Variants in SLC66A2 observed in about 807,000 individuals in gnomAD.
SLC66A2 encodes PQ loop repeat containing 1.
In SLC66A2, 23 loss-of-function variants were observed where a neutral mutation model predicts 25.5. The ratio of observed to expected loss-of-function variants is 0.90; its 90% CI spans 0.65 to 1.28. SLC66A2 has a LOEUF of 1.28. SLC66A2 is among the 50% of genes most tolerant of loss of function. SLC66A2 has a pLI of 0.00. For missense variants in SLC66A2, 396 were observed against 373.1 expected (o/e 1.06, Z -0.51); for synonymous variants, 193 against 166.5 (o/e 1.16, Z -1.23).
At chr18:79,933,773 T>C (rs376456660) in intron 4 of SLC66A2, among the ~76,000 whole-genome samples, 196 bp downstream of exon 4, 2 of 151,466 alleles carry the variant, frequency 1.3e-5, no homozygotes, top group African/African-American at 4.8e-5. Context: ...CAGAAGAGCA[T>C]GGACAGGCTT....
Position 79,903,842 on chromosome 18 carries a change from CTGA to C in SLC66A2, c.*131_*133del. 1 of 729,250 alleles carries C rather than the reference CTGA, an allele frequency of 1.4e-6. No homozygotes were observed. Among genetic ancestry groups the C allele is most frequent in the Non-Finnish European group, 2.2e-6 (1 of 453,848 alleles). 45.2% of individuals were successfully genotyped at this position (729,250 alleles called of 1,614,324 possible). A position where few individuals can be genotyped will look rare whatever the true frequency, so the allele number is the denominator to read the frequency against. ...CCCACCCTGAGACACCCCACAGAGG[CTGA>C]TGGAGACCCCAATGCCCATGCCCCA... On this transcript the variant is annotated 3_prime_UTR_variant, in exon 6 of 6. Transcript: ENST00000397778.
At chr18:79,934,178 T>C (rs1951944806) in intron 3 of SLC66A2, among the ~76,000 whole-genome samples, 156 bp from the exon 4 acceptor site, 1 of 152,044 alleles carries the variant, frequency 6.6e-6, no homozygotes, top group Non-Finnish European at 1.5e-5. Flanking sequence ...TTTTGGTTTT[T>C]GTGCATTAGA....
intron 5 of SLC66A2, among the ~76,000 whole-genome samples, chr18:79,910,091 A>G (rs540914374): frequency 1.4e-5 from 1 of 73,358 alleles, no homozygotes; most frequent in Non-Finnish European, 2.6e-5. Flanking sequence ...CCAGTCTCCA[A>G]CCTTCCCCAC....
intron 2 of SLC66A2, 72 bp downstream of exon 2, chr18:79,950,652 C>A: frequency 4.0e-6 from 6 of 1,504,146 alleles, no homozygotes; most frequent in Middle Eastern, 3.4e-4. Context: ...GCTCCCCCGG[C>A]CTCAACCAGA....
rs763989959 is a variant in SLC66A2 at position 79,950,734 on chromosome 18, T to C, written c.193A>G (p.Ile65Val). The C allele has an allele frequency of 2.5e-6, 4 of 1,612,922 alleles. No individual in the cohort carries two copies. The highest frequency in any genetic ancestry group is 2.5e-6 in the Non-Finnish European group (3 of 1,179,934). ...AAGCCCCCAACTTACCAGAAGAGTATCCGCAAAATGTTGGCCACCAGCAGC... is the reference window on the plus strand; with the variant it reads ...AAGCCCCCAACTTACCAGAAGAGTACCCGCAAAATGTTGGCCACCAGCAGC... ...LVLLVANILR[I>V]LFWFGRRFES... The change falls in exon 2 of 6, where the codon ATA (isoleucine) becomes GTA (valine). Residue 65 changes from isoleucine to valine, a missense_variant. Physicochemically the swap from Ile to Val is conservative, Grantham distance 29 (BLOSUM62 3). Transcript: ENST00000397778.
rs1259207485 is a variant in SLC66A2 at position 79,941,176 on chromosome 18, T to A, written c.337+2153A>T. Reference sequence around the variant, plus strand: ...AAACCAAGGCTGTGTCTCCTACCCATTCAAGTACAGGCAGAACTCAGCTCC... The same window carrying A: ...AAACCAAGGCTGTGTCTCCTACCCAATCAAGTACAGGCAGAACTCAGCTCC... On this transcript the variant is annotated intron_variant, in intron 3 of 5. Coordinates refer to ENST00000397778, the MANE Select transcript of SLC66A2 (RefSeq NM_025078.5). This position sits in a 1 kb window ranked among gnomAD's most constrained non-coding sequence, Gnocchi z 4.1. 1.3e-5 allele frequency among the ~76,000 whole-genome samples: 2 copies of A among 152,126 alleles called. No individual in the cohort carries two copies. Among genetic ancestry groups the A allele is most frequent in the Admixed American group, 6.5e-5 (1 of 15,280 alleles).
At chr18:79,946,241 AAGAAAAAC>A (rs1198931621) in intron 2 of SLC66A2, among the ~76,000 whole-genome samples, 2 of 60,502 alleles carry the variant, frequency 3.3e-5, no homozygotes, top group African/African-American at 9.5e-5. Flanking sequence ...GGTGAAGACA[AAGAAAAAC>A]ACAAAATTTC....
At chr18:79,950,478 C>G (rs2051080378) in intron 2 of SLC66A2, among the ~76,000 whole-genome samples, 1 of 152,256 alleles carries the variant, frequency 6.6e-6, no homozygotes, top group East Asian at 1.9e-4. Context: ...TGTGGAACAT[C>G]ATGCAAGGAG....
At chr18:79,947,709 G>C (rs1334355971) in intron 2 of SLC66A2, among the ~76,000 whole-genome samples, 1 of 137,966 alleles carries the variant, frequency 7.2e-6, no homozygotes, top group East Asian at 2.2e-4. Flanking sequence ...CGTGGAGCTG[G>C]GGTTGTGTGT....
intron 2 of SLC66A2, among the ~76,000 whole-genome samples, chr18:79,950,218 G>C (rs1828621248): frequency 2.0e-5 from 3 of 152,128 alleles, no homozygotes; most frequent in Admixed American, 2.0e-4. Flanking sequence ...ACAATTAGCC[G>C]GGTGTGGTGG....
rs936258955 is a variant in SLC66A2 at position 79,917,686 on chromosome 18, G to A, written c.608+1498C>T. 2.0e-5 allele frequency among the ~76,000 whole-genome samples: 3 copies of A among 151,944 alleles called. No individual in the cohort carries two copies. The South Asian group carries it at 6.2e-4, about 32-fold the overall frequency. ...CACCGAAGCCCTCAGGGCTGCCACTGCCCAACCCAACAGTGAGGGAGCCTG... is the reference window on the plus strand; with the variant it reads ...CACCGAAGCCCTCAGGGCTGCCACTACCCAACCCAACAGTGAGGGAGCCTG... On this transcript the variant is annotated intron_variant, in intron 5 of 5. Transcript: ENST00000397778. This position sits in a 1 kb window ranked among gnomAD's most constrained non-coding sequence, Gnocchi z 6.0.
intron 5 of SLC66A2, among the ~76,000 whole-genome samples, chr18:79,910,817 A>G (rs1983000478): frequency 6.6e-6 from 1 of 152,228 alleles, no homozygotes; most frequent in Non-Finnish European, 1.5e-5. Context: ...GCTTTGACAG[A>G]CAACGTCCCT....
At position 79,917,565 on chromosome 18, in the gene SLC66A2, G is replaced by A. The variant is rs569281286; in HGVS notation, c.608+1619C>T. Among the ~76,000 whole-genome samples the A allele has an allele frequency of 2.0e-5, 3 of 152,158 alleles. No individual in the cohort carries two copies. Among genetic ancestry groups the A allele is most frequent in the South Asian group, 2.1e-4 (1 of 4,820 alleles). ...GGGGTGGCTGGGGACGCCACACTCC[G>A]CCGGACAAGGCCCACGTCCAGCCGG... On this transcript the variant is annotated intron_variant, in intron 5 of 5. Transcript: ENST00000397778. This position sits in a 1 kb window ranked among gnomAD's most constrained non-coding sequence, Gnocchi z 6.0.
intron 5 of SLC66A2, among the ~76,000 whole-genome samples, chr18:79,911,546 C>A (rs1193884720): frequency 6.6e-6 from 1 of 152,248 alleles, no homozygotes; most frequent in Non-Finnish European, 1.5e-5. Flanking sequence ...GGCCCTGACG[C>A]ACAGGTGCGC....
intron 5 of SLC66A2, 134 bp downstream of exon 5, chr18:79,919,050 T>C: frequency 1.2e-6 from 1 of 820,916 alleles, no homozygotes; most frequent in Non-Finnish European, 1.9e-6. Flanking sequence ...AACCTGCTAT[T>C]CTTTAACCGG....
rs1323430844 is a variant in SLC66A2, at chr18:79,904,903, GAGGC to G, written c.609-724_609-721del. ...GACCCTTCCACAGCTCCTGAAGCCAGAGGCAGAGCCTGGGTGGGGAGCGCTGCCT... is the reference window on the plus strand; with the variant it reads ...GACCCTTCCACAGCTCCTGAAGCCAGAGAGCCTGGGTGGGGAGCGCTGCCT... On this transcript the variant is annotated intron_variant, in intron 5 of 5. Coordinates refer to ENST00000397778, the MANE Select transcript of SLC66A2 (RefSeq NM_025078.5). This position sits in a 1 kb window ranked among gnomAD's most constrained non-coding sequence, Gnocchi z 6.3. Among the ~76,000 whole-genome samples, 1 of 152,210 alleles carries G rather than the reference GAGGC, an allele frequency of 6.6e-6. No individual in the cohort carries two copies. Among genetic ancestry groups the G allele is most frequent in the Non-Finnish European group, 1.5e-5 (1 of 68,026 alleles).
intron 5 of SLC66A2, among the ~76,000 whole-genome samples, chr18:79,910,253 CCCA>C (rs955870100): frequency 7.1e-6 from 1 of 140,252 alleles, no homozygotes; most frequent in Non-Finnish European, 1.5e-5. Flanking sequence ...ACCAACCTTC[CCCA>C]CCATCTCACA....
At position 79,904,099 on chromosome 18, in the gene SLC66A2, G is replaced by A. The variant is rs778895157; in HGVS notation, c.693C>T (p.Ser231=). Residue 231 remains serine, a synonymous_variant, in exon 6 of 6, where the codon TCC becomes TCT. Coordinates refer to ENST00000397778, the MANE Select transcript of SLC66A2 (RefSeq NM_025078.5). This position sits in a 1 kb window ranked among gnomAD's most constrained non-coding sequence, Gnocchi z 6.3. ...CCAGCACCTGCAGCAGGCCGCACAC[G>A]GAGAACTGCAGAGGGGCACCCTTCA... The part of the protein sequence containing the change: ...FLLKGAPLQF[S]VCGLLQVLVD... 6.9e-5 allele frequency: 111 copies of A among 1,612,870 alleles called. No individual in the cohort carries two copies. The highest frequency in any genetic ancestry group is 3.3e-4 in the East Asian group (15 of 44,854).
At chr18:79,905,388 A>C (rs1179093184) in intron 5 of SLC66A2, among the ~76,000 whole-genome samples, 1 of 152,214 alleles carries the variant, frequency 6.6e-6, no homozygotes, top group Non-Finnish European at 1.5e-5. Context: ...GTGCCTGGGT[A>C]GCACCGGGGG....
Sources: gnomAD v4.1 joint callset for allele counts (sites outside exome capture counted in the v4.1 genomes callset) on GRCh38, gnomAD v4.1.1 for gene constraint, Gnocchi (gnomAD v3.1) non-coding constraint, MANE v1.5 for transcripts, NCBI Gene and HGNC (gene_info 2026-07-23, HGNC 2026-07-21) for gene names.